TAB2: variants seen among roughly 807,000 people sequenced by gnomAD.
The protein encoded by TAB2 is TGF-beta-activated kinase 1 and MAP3K7-binding protein 2.
A neutral mutation model predicts 65.0 loss-of-function variants in TAB2; 3 were observed. The observed-to-expected ratio is 0.05, with a 90% CI of 0.02 to 0.12. The LOEUF (loss-of-function observed/expected upper bound fraction) is 0.12. Among genes scored for constraint, TAB2 ranks in the 10% least tolerant of loss-of-function variants. The pLI, the probability that TAB2 is intolerant of heterozygous loss-of-function variation, is 1.00. For missense variants in TAB2, 623 were observed against 840.3 expected, an observed-to-expected ratio of 0.74 and a Z score of 3.20; for synonymous variants, 298 against 285.1, an observed-to-expected ratio of 1.05 and a Z score of -0.46.
At chr6:149,298,448 G>T (rs976203887) in intron 1 of TAB2, among the ~76,000 whole-genome samples, 4 of 152,110 alleles carry the variant, frequency 2.6e-5, no homozygotes, top group African/African-American at 9.7e-5. Context: ...CCAATATAGG[G>T]AGACCCCATT....
chr6:149,259,645 C>T (rs1196928750), intron 1 of TAB2, among the ~76,000 whole-genome samples: 1 of 152,222 alleles, frequency 6.6e-6, no homozygotes, highest in African/African-American at 2.4e-5. Flanking sequence ...ATTAGACATC[C>T]TGTCTTATAG....
At chr6:149,249,256 G>A (rs1323708325) in intron 1 of TAB2, among the ~76,000 whole-genome samples, 4 of 152,016 alleles carry the variant, frequency 2.6e-5, no homozygotes, top group South Asian at 2.1e-4. Context: ...CCAGGGCATG[G>A]GTGTGGCCCC....
intron 1 of TAB2, among the ~76,000 whole-genome samples, chr6:149,320,188 C>A (rs1221575761): frequency 6.6e-6 from 1 of 152,048 alleles, no homozygotes; most frequent in African/African-American, 2.4e-5. Context: ...GGGATTCTCC[C>A]GCCTCAGCCT....
At chr6:149,408,899 A>T (rs764271195) in intron 6 of TAB2, among the ~76,000 whole-genome samples, 9 of 152,236 alleles carry the variant, frequency 5.9e-5, no homozygotes, top group Non-Finnish European at 1.2e-4. Flanking sequence ...ATCTGAGATC[A>T]CAGAGCAAAG....
At position 149,378,107 on chromosome 6, in the gene TAB2, T is replaced by A; in HGVS notation, c.192T>A (p.Asp64Glu). The change falls in exon 3 of 7, where the codon GAT becomes GAA. Residue 64 changes from aspartate (D) to glutamate (E), a missense_variant. By Grantham distance (45) the Asp-to-Glu change is conservative. Around this residue, in one of 3 missense-constraint regions of TAB2, gnomAD observed 550 missense variants for 665.7 expected, o/e 0.83. Coordinates refer to ENST00000637181, the MANE Select transcript of TAB2 (RefSeq NM_001292034.3). ...GTGAAGGAGACTTGAATTTTTCAGA[T>A]GATTCTGGAATTTCTGGTCTACGCA... Reference protein sequence around the residue: ...LYGEGDLNFSDDSGISGLRNH... With the variant: ...LYGEGDLNFSEDSGISGLRNH... The A allele has an allele frequency of 6.2e-7, 1 of 1,614,208 alleles. No homozygotes were observed. Among genetic ancestry groups the A allele is most frequent in the Non-Finnish European group, 8.5e-7 (1 of 1,180,022 alleles).
At chr6:149,350,668 G>A (rs2114804509) in intron 1 of TAB2, among the ~76,000 whole-genome samples, 1 of 137,810 alleles carries the variant, frequency 7.3e-6, no homozygotes, top group Admixed American at 7.8e-5. Context: ...AGGCTGGAGT[G>A]CAGTGGCACA....
chr6:149,386,122 AAC>A (rs1382305831), intron 3 of TAB2, among the ~76,000 whole-genome samples: 1 of 152,200 alleles, frequency 6.6e-6, no homozygotes, highest in Non-Finnish European at 1.5e-5. Flanking sequence ...TTAAAGCAGG[AAC>A]ACACTATACA....
At chr6:149,391,789 C>T (rs1445486538) in intron 3 of TAB2, among the ~76,000 whole-genome samples, 1 of 152,104 alleles carries the variant, frequency 6.6e-6, no homozygotes, top group African/African-American at 2.4e-5. Context: ...GACTCTCCCT[C>T]CTAGGCCTCC....
At chr6:149,248,335 T>A (rs1272895294) in intron 1 of TAB2, among the ~76,000 whole-genome samples, 1 of 151,402 alleles carries the variant, frequency 6.6e-6, no homozygotes, top group African/African-American at 2.4e-5. Context: ...GAGGTTGCAG[T>A]GAGCTGAGAT....
intron 3 of TAB2, among the ~76,000 whole-genome samples, chr6:149,389,970 C>T (rs527786229): frequency 6.6e-6 from 1 of 152,284 alleles, no homozygotes; most frequent in South Asian, 2.1e-4. Flanking sequence ...TTTTATTTTA[C>T]ATCTATTGCC....
intron 1 of TAB2, among the ~76,000 whole-genome samples, chr6:149,290,673 G>A (rs1243020650): frequency 4.6e-5 from 7 of 152,136 alleles, no homozygotes; most frequent in South Asian, 2.1e-4. Flanking sequence ...GCAAGATCCC[G>A]TCTCTACTAA....
upstream of TAB2, among the ~76,000 whole-genome samples, chr6:149,315,858 T>TTTTTTTTTTTTTTTTTTTTTTTTTG (rs1394218331): frequency 6.6e-6 from 1 of 152,236 alleles, no homozygotes; most frequent in African/African-American, 2.4e-5. Flanking sequence ...CACTGGTTTT[T>TTTTTTTTTTTTTTTTTTTTTTTTTG]AGACTTGACC....
intron 1 of TAB2, among the ~76,000 whole-genome samples, chr6:149,351,840 C>T (rs1780501415): frequency 6.6e-6 from 1 of 152,110 alleles, no homozygotes; most frequent in Non-Finnish European, 1.5e-5. Context: ...AGACAGTGTG[C>T]ACTTATGGAA....
intron 1 of TAB2, among the ~76,000 whole-genome samples, chr6:149,287,342 A>G (rs1235739323): frequency 6.6e-6 from 1 of 152,210 alleles, no homozygotes; most frequent in Admixed American, 6.5e-5. Context: ...AAACAAATAG[A>G]TAAAGCTGGA....
At chr6:149,350,444 G>T (rs1030589077) in intron 1 of TAB2, among the ~76,000 whole-genome samples, 1 of 151,878 alleles carries the variant, frequency 6.6e-6, no homozygotes, top group Admixed American at 6.6e-5. Context: ...AATTATTACC[G>T]CTAATGGCTA....
intron 1 of TAB2, among the ~76,000 whole-genome samples, chr6:149,320,320 A>T (rs971139350): frequency 6.6e-6 from 1 of 151,904 alleles, no homozygotes; most frequent in Non-Finnish European, 1.5e-5. Flanking sequence ...TAGGTGATCC[A>T]CCCGCCTCAG....
intron 1 of TAB2, among the ~76,000 whole-genome samples, chr6:149,342,365 C>G (rs564933140): frequency 3.9e-4 from 60 of 152,098 alleles, no homozygotes; most frequent in Non-Finnish European, 6.6e-4. Flanking sequence ...TTGTTTTTCT[C>G]TTTCTGTTAG....
chr6:149,394,608 T>C (rs538537335), intron 3 of TAB2, among the ~76,000 whole-genome samples: 5 of 152,314 alleles, frequency 3.3e-5, no homozygotes, highest in African/African-American at 1.2e-4. Flanking sequence ...TTATGAGGCA[T>C]TGCATCAATT....
chr6:149,255,047 C>A (rs1777986106), intron 1 of TAB2, among the ~76,000 whole-genome samples: 1 of 152,142 alleles, frequency 6.6e-6, no homozygotes, highest in Admixed American at 6.5e-5. Flanking sequence ...TTTGGGGGAC[C>A]TGGGGCAAAA....
Sources: allele counts gnomAD v4.1 joint callset (sites outside exome capture counted in the v4.1 genomes callset), GRCh38; gene constraint gnomAD v4.1.1; regional missense constraint gnomAD v4.1.1; transcripts MANE v1.5; gene names NCBI Gene and HGNC (gene_info 2026-07-23, HGNC 2026-07-21).